PCDHA10: variants seen among roughly 807,000 people sequenced by gnomAD.
PCDHA10 encodes the protein protocadherin alpha-10.
Under a neutral mutation model 61.2 loss-of-function variants are expected in PCDHA10, and 45 were observed. The observed-to-expected ratio is 0.74, with a 90% CI of 0.58 to 0.94. PCDHA10 has a LOEUF of 0.94. PCDHA10 is among the 40% of genes least tolerant of loss of function. The pLI is 0.00. For synonymous variants in PCDHA10, 602 were observed against 548.8 expected (o/e 1.10, Z -1.35); for missense variants, 1,278 against 1,236.2 (o/e 1.03, Z -0.51).
At chr5:140,884,536 G>A in intron 1 of PCDHA10, 11 of 1,614,090 alleles carry the variant, frequency 6.8e-6, no homozygotes, top group African/African-American at 1.3e-5. Context: ...AGAGGCGGCC[G>A]AGGGTGTGCT....
At position 140,936,025 on chromosome 5, in the gene PCDHA10, G is replaced by A. The variant is rs542573400; in HGVS notation, c.2389-42924G>A. On this transcript the variant is annotated intron_variant, in intron 1 of 3. Coordinates refer to ENST00000307360, the MANE Select transcript of PCDHA10 (RefSeq NM_018901.4). ...CTCCCACCTCAGCCTCCCGAGTAGC[G>A]GGGATTACAGGCACCCACCACCACA... 1.5e-3 allele frequency among the ~76,000 whole-genome samples: 222 copies of A among 151,390 alleles called. 1 individual carries two copies. The highest frequency in any genetic ancestry group is 6.8e-3 in the Middle Eastern group (2 of 294).
chr5:140,885,873 T>A (rs1365119411), intron 1 of PCDHA10, among the ~76,000 whole-genome samples: 3 of 152,154 alleles, frequency 2.0e-5, no homozygotes, highest in Admixed American at 6.5e-5. Flanking sequence ...TGAAAAAAAA[T>A]TTTTAGTTTC....
rs1030293372 is a variant in PCDHA10 at position 140,856,468 on chromosome 5, A to C, written c.420A>C (p.Ser140=). ...TCTCCGTAACAGAACAAAAGCTCTC[A>C]ATACCTGAATCCAGACTGCTTGACT... ...PRFSVTEQKL[S]IPESRLLDSR... Residue 140 remains serine, a synonymous_variant, in exon 1 of 4, where the codon TCA becomes TCC. Transcript: ENST00000307360. 2.2e-5 allele frequency: 35 copies of C among 1,597,788 alleles called. 3 individuals are homozygous for C. The East Asian group carries it at 7.4e-4, about 34-fold the overall frequency.
At chr5:140,940,285 T>C (rs2092587239) in intron 1 of PCDHA10, among the ~76,000 whole-genome samples, 3 of 152,222 alleles carry the variant, frequency 2.0e-5, no homozygotes, top group Admixed American at 6.5e-5. Context: ...CTCATTGTGC[T>C]GCTTCATCAG....
intron 1 of PCDHA10, chr5:140,870,277 G>A: frequency 6.2e-7 from 1 of 1,614,168 alleles, no homozygotes; most frequent in Non-Finnish European, 8.5e-7. Context: ...GACGCCCCAC[G>A]TTCCCTTCAA....
intron 1 of PCDHA10, among the ~76,000 whole-genome samples, chr5:140,900,751 G>A (rs781973754): frequency 1.3e-5 from 2 of 152,060 alleles, no homozygotes; most frequent in African/African-American, 2.4e-5. Context: ...GGATCACTTG[G>A]TAGCTCTATT....
chr5:140,986,625 C>T (rs1312536887), intron 3 of PCDHA10, among the ~76,000 whole-genome samples: 2 of 152,122 alleles, frequency 1.3e-5, no homozygotes, highest in African/African-American at 4.8e-5. Flanking sequence ...TTACCTAAGG[C>T]AACAGTACAT....
intron 1 of PCDHA10, among the ~76,000 whole-genome samples, chr5:140,950,924 T>C (rs1316182193): frequency 2.6e-5 from 4 of 152,104 alleles, no homozygotes; most frequent in Non-Finnish European, 5.9e-5. Flanking sequence ...TTCAGTTCTT[T>C]TTCTTTTCTT....
At chr5:140,904,193 T>C (rs1554191351) in intron 1 of PCDHA10, among the ~76,000 whole-genome samples, 2 of 151,930 alleles carry the variant, frequency 1.3e-5, no homozygotes, top group Non-Finnish European at 2.9e-5. Flanking sequence ...TTCCCACCCT[T>C]TCCCCCTAAG....
intron 1 of PCDHA10, among the ~76,000 whole-genome samples, chr5:140,937,011 G>A (rs567332621): frequency 9.2e-5 from 14 of 151,352 alleles, no homozygotes; most frequent in Non-Finnish European, 1.8e-4. Flanking sequence ...ACAGACAACC[G>A]ATTAACAAGG....
intron 1 of PCDHA10, among the ~76,000 whole-genome samples, chr5:140,972,660 ATTTTTTTT>A (rs11350929): frequency 6.0e-5 from 7 of 117,270 alleles, no homozygotes; most frequent in African/African-American, 2.0e-4. Flanking sequence ...AAGAAACCAA[ATTTTTTTT>A]TTTTTTTTTT....
At chr5:140,870,491 T>C (rs781889223) in intron 1 of PCDHA10, 10 of 1,614,076 alleles carry the variant, frequency 6.2e-6, no homozygotes, top group Non-Finnish European at 8.5e-6. Context: ...ACCGTGTTCG[T>C]GAAGGAGAAC....
At chr5:140,979,120 T>A in intron 2 of PCDHA10, 113 bp downstream of exon 2, 1 of 1,497,648 alleles carries the variant, frequency 6.7e-7, no homozygotes, top group Non-Finnish European at 8.9e-7. Flanking sequence ...CTTTAGGTAC[T>A]TTGCCAGGAA....
intron 1 of PCDHA10, among the ~76,000 whole-genome samples, chr5:140,933,127 A>G (rs1311388252): frequency 6.6e-6 from 1 of 151,992 alleles, no homozygotes; most frequent in East Asian, 1.9e-4. Flanking sequence ...AAGCTAAATA[A>G]TAAAGGTAGA....
rs376462906 is a variant in PCDHA10, at chr5:140,873,767, TCTC to T, written c.2388+15334_2388+15336del. Among the ~76,000 whole-genome samples, 393 of 152,280 alleles carry T rather than the reference TCTC, an allele frequency of 2.6e-3. 1 individual carries two copies. The highest frequency in any genetic ancestry group is 9.2e-3 in the African/African-American group (382 of 41,558). On this transcript the variant is annotated intron_variant, in intron 1 of 3. Transcript: ENST00000307360. ...TCTCCACCTCCCATGTTCAAGCAAT[TCTC>T]CTGCCTCAGCTTTCCGAGAAGCTGG...
At chr5:140,998,939 A>C (rs1299425979) in intron 3 of PCDHA10, among the ~76,000 whole-genome samples, 2 of 152,248 alleles carry the variant, frequency 1.3e-5, no homozygotes, top group Admixed American at 1.3e-4. Flanking sequence ...CAGATGAAGA[A>C]ACTGTAAGTC....
At chr5:140,963,346 A>G (rs2095758163) in intron 1 of PCDHA10, among the ~76,000 whole-genome samples, 1 of 152,236 alleles carries the variant, frequency 6.6e-6, no homozygotes, top group Non-Finnish European at 1.5e-5. Flanking sequence ...TTGTAAATTT[A>G]GTTCTTTTCA....
At chr5:140,874,680 T>C (rs1018074001) in intron 1 of PCDHA10, among the ~76,000 whole-genome samples, 1 of 152,258 alleles carries the variant, frequency 6.6e-6, no homozygotes, top group Non-Finnish European at 1.5e-5. Flanking sequence ...TCCTGAGATT[T>C]GTTTTAACAT....
intron 1 of PCDHA10, among the ~76,000 whole-genome samples, chr5:140,894,786 C>T (rs990092948): frequency 6.6e-6 from 1 of 151,576 alleles, no homozygotes; most frequent in Non-Finnish European, 1.5e-5. Flanking sequence ...AATTATTTGT[C>T]CTCTCCTTTA....
Sources: gnomAD v4.1 joint callset for allele counts (sites outside exome capture counted in the v4.1 genomes callset) on GRCh38, gnomAD v4.1.1 for gene constraint, MANE v1.5 for transcripts, NCBI Gene and HGNC (gene_info 2026-07-23, HGNC 2026-07-21) for gene names.